The following PCDHGA7 variants were observed in gnomAD, a reference collection of about 807,000 sequenced individuals.
PCDHGA7 encodes the protein protocadherin gamma subfamily A, 7.
PCDHGA7 carries 44 observed loss-of-function variants against 58.3 expected under a neutral mutation model. That is an observed-to-expected ratio of 0.75 (90% CI 0.59 to 0.97). The LOEUF is 0.97. Among genes scored for constraint, PCDHGA7 ranks in the 50% least tolerant of loss-of-function variants. The pLI is 0.00. For synonymous variants in PCDHGA7, 516 were observed against 504.2 expected, an observed-to-expected ratio of 1.02 and a Z score of -0.31; for missense variants, 1,266 against 1,188.7, an observed-to-expected ratio of 1.06 and a Z score of -0.96.
chr5:141,418,041 T>C lies in PCDHGA7; in HGVS notation c.2424+32718T>C, dbSNP rs764313049. The C allele has an allele frequency of 1.2e-6, 2 of 1,613,858 alleles. No individual in the cohort carries two copies. Among genetic ancestry groups the C allele is most frequent in the Non-Finnish European group, 1.7e-6 (2 of 1,179,856 alleles). On this transcript the variant is annotated intron_variant, in intron 1 of 3. Transcript: ENST00000518325. ...GATCTAGGGCTTAGTGTCCTGGATG[T>C]GTCGGCTCGCGAGCTGCGAGTGAGC... is the stretch of plus-strand genomic sequence containing the variant.
intron 1 of PCDHGA7, among the ~76,000 whole-genome samples, chr5:141,459,101 C>A (rs1021289352): frequency 6.6e-6 from 1 of 152,192 alleles, no homozygotes; most frequent in Non-Finnish European, 1.5e-5. Context: ...CAGTGCAATG[C>A]ATTTTGACAA....
rs2098995125 is a variant in PCDHGA7 at position 141,460,673 on chromosome 5, A to G, written c.2425-34134A>G. 2.6e-5 allele frequency among the ~76,000 whole-genome samples: 4 copies of G among 152,244 alleles called. No homozygotes were observed. The South Asian group carries it at 8.3e-4, about 32-fold the overall frequency. On this transcript the variant is annotated intron_variant, in intron 1 of 3. Coordinates refer to ENST00000518325, the MANE Select transcript of PCDHGA7 (RefSeq NM_018920.4). ...CATATGTAACTGTAAACACAGTTAT[A>G]TATCTATATATCCACCAACAGTTGA... is the stretch of plus-strand genomic sequence containing the variant.
intron 1 of PCDHGA7, chr5:141,427,514 G>A (rs1193674497): frequency 1.7e-6 from 1 of 595,712 alleles, no homozygotes; most frequent in Non-Finnish European, 3.2e-6. Context: ...CCCTGGATTG[G>A]GAGCGGATCC....
In PCDHGA7 at chr5:141,421,081, A is replaced by C. The variant is rs775366249; in HGVS notation, c.2424+35758A>C. 61 of 637,820 alleles carry C rather than the reference A, an allele frequency of 9.6e-5. 1 individual carries two copies. The Middle Eastern group carries it at 2.9e-3, about 31-fold the overall frequency. The allele number at this position is 637,820 out of a possible 1,614,324, so 39.5% of individuals were successfully genotyped here. ...ACAAAGCGGAATGAGATGGATACTCACAGATCCTGACACTGGAGACTTAGA... is the reference window on the plus strand; with the variant it reads ...ACAAAGCGGAATGAGATGGATACTCCCAGATCCTGACACTGGAGACTTAGA... On this transcript the variant is annotated intron_variant, in intron 1 of 3. Coordinates refer to ENST00000518325, the MANE Select transcript of PCDHGA7 (RefSeq NM_018920.4).
chr5:141,393,603 G>C, intron 1 of PCDHGA7: 1 of 1,613,928 alleles, frequency 6.2e-7, no homozygotes, highest in East Asian at 2.2e-5. Flanking sequence ...GCTGCTTACT[G>C]TAACAGCCAG....
chr5:141,405,770 G>A (rs989163026), intron 1 of PCDHGA7, among the ~76,000 whole-genome samples: 9 of 152,030 alleles, frequency 5.9e-5, no homozygotes, highest in South Asian at 4.2e-4. Flanking sequence ...GAGCCACTGC[G>A]CCTGGCCCTT....
intron 1 of PCDHGA7, among the ~76,000 whole-genome samples, chr5:141,450,894 G>A (rs919860611): frequency 2.7e-5 from 4 of 148,956 alleles, no homozygotes; most frequent in Admixed American, 1.3e-4. Context: ...GTGCGATATC[G>A]GCTCACTGCA....
At chr5:141,429,796 A>C (rs2097245618) in intron 1 of PCDHGA7, among the ~76,000 whole-genome samples, 1 of 152,216 alleles carries the variant, frequency 6.6e-6, no homozygotes, top group Non-Finnish European at 1.5e-5. Flanking sequence ...ATTACCAGTA[A>C]TTCTCAGTAA....
rs774649069 is a variant in PCDHGA7 at position 141,477,417 on chromosome 5, C to G, written c.2425-17390C>G. The G allele has an allele frequency of 1.2e-6, 2 of 1,614,172 alleles. No individual in the cohort carries two copies. The highest frequency in any genetic ancestry group is 2.7e-5 in the African/African-American group (2 of 75,032). On this transcript the variant is annotated intron_variant, in intron 1 of 3. Coordinates refer to ENST00000518325, the MANE Select transcript of PCDHGA7 (RefSeq NM_018920.4). The surrounding 1 kb of genome is among the most constrained non-coding windows in gnomAD (Gnocchi z 4.9). Reference sequence around the variant, plus strand: ...AGCATCACCGCCCGAGACGCCGGAACCCCTTCCCTCTCAGCCCTTACAATA... The same window carrying G: ...AGCATCACCGCCCGAGACGCCGGAAGCCCTTCCCTCTCAGCCCTTACAATA...
intron 1 of PCDHGA7, chr5:141,399,007 A>G (rs1403288140): frequency 6.2e-7 from 1 of 1,613,948 alleles, no homozygotes. Flanking sequence ...GAATTCAAAG[A>G]GCGGAGAAAT....
chr5:141,487,750 T>A lies in PCDHGA7; in HGVS notation c.2425-7057T>A, dbSNP rs2099664307. On this transcript the variant is annotated intron_variant, in intron 1 of 3. Coordinates refer to ENST00000518325, the MANE Select transcript of PCDHGA7 (RefSeq NM_018920.4). The surrounding 1 kb of genome is among the most constrained non-coding windows in gnomAD (Gnocchi z 5.0). Reference sequence around the variant, plus strand: ...TCACCATTTTTGTAAGAGGTAACTATGTGGTAGACGCTGTGCTTTGTAACT... The same window carrying A: ...TCACCATTTTTGTAAGAGGTAACTAAGTGGTAGACGCTGTGCTTTGTAACT... 1 of 1,555,392 alleles carries A rather than the reference T, an allele frequency of 6.4e-7. No homozygotes were observed. Among genetic ancestry groups the A allele is most frequent in the African/African-American group, 1.4e-5 (1 of 73,376 alleles).
chr5:141,417,828 A>G (rs1439385565), intron 1 of PCDHGA7: 1 of 1,521,792 alleles, frequency 6.6e-7, no homozygotes, highest in Non-Finnish European at 8.8e-7. Context: ...CCAACTGGAA[A>G]AGCGGGGACC....
chr5:141,423,253 C>G (rs750278899), intron 1 of PCDHGA7: 1 of 1,613,916 alleles, frequency 6.2e-7, no homozygotes, highest in Admixed American at 1.7e-5. Flanking sequence ...CCTGGCGGAC[C>G]TCGGCAGCCT....
At position 141,511,112 on chromosome 5, in the gene PCDHGA7, G is replaced by A. The variant is rs767257788; in HGVS notation, c.2738G>A (p.Gly913Asp). The change falls in exon 4 of 4, where the codon GGC (glycine) becomes GAC (aspartate). Residue 913 changes from glycine (G) to aspartate (D), a missense_variant. Transcript: ENST00000518325. ...ACCAACGCAGCTGGCAAGCGGGATGGCAAGGCCCCAGCAGGTGGCAATGGC... is the reference window on the plus strand; with the variant it reads ...ACCAACGCAGCTGGCAAGCGGGATGACAAGGCCCCAGCAGGTGGCAATGGC... The part of the protein sequence containing the change: ...TLTNAAGKRD[G>D]KAPAGGNGNK... 1 of 1,614,232 alleles carries A rather than the reference G, an allele frequency of 6.2e-7. No individual in the cohort carries two copies.
intron 1 of PCDHGA7, chr5:141,423,454 G>C (rs1323921797): frequency 1.9e-6 from 3 of 1,614,030 alleles, no homozygotes; most frequent in Non-Finnish European, 2.5e-6. Context: ...ACATTTTGTA[G>C]GCGTGGACGG....
At chr5:141,393,115 G>A (rs1342924521) in intron 1 of PCDHGA7, 1 of 1,613,438 alleles carries the variant, frequency 6.2e-7, no homozygotes. Context: ...CAGAGCCCGC[G>A]GTGTCTGATA....
intron 1 of PCDHGA7, chr5:141,397,927 G>C: frequency 1.3e-6 from 1 of 764,054 alleles, no homozygotes. Flanking sequence ...TCCTCGCGCA[G>C]CCGCAGCGCG....
At chr5:141,433,869 T>C (rs1293077938) in intron 1 of PCDHGA7, among the ~76,000 whole-genome samples, 8 of 151,960 alleles carry the variant, frequency 5.3e-5, no homozygotes, top group Non-Finnish European at 7.4e-5. Flanking sequence ...TATCCTCTAG[T>C]TTCATCCATT....
Position 141,432,082 on chromosome 5 carries a change from C to G in PCDHGA7, c.2424+46759C>G. The G allele has an allele frequency of 1.2e-6, 2 of 1,614,184 alleles. No individual in the cohort carries two copies. The highest frequency in any genetic ancestry group is 1.7e-6 in the Non-Finnish European group (2 of 1,180,028). On this transcript the variant is annotated intron_variant, in intron 1 of 3. Coordinates refer to ENST00000518325, the MANE Select transcript of PCDHGA7 (RefSeq NM_018920.4). This position sits in a 1 kb window ranked among gnomAD's most constrained non-coding sequence, Gnocchi z 6.0. Reference sequence around the variant, plus strand: ...CCACGGAAACTCATATCTCGCTGAACGTGGCAGACACCAACGACAACCCGC... The same window carrying G: ...CCACGGAAACTCATATCTCGCTGAAGGTGGCAGACACCAACGACAACCCGC...
Sources: gnomAD v4.1 joint callset for allele counts (sites outside exome capture counted in the v4.1 genomes callset) on GRCh38, gnomAD v4.1.1 for gene constraint, Gnocchi (gnomAD v3.1) non-coding constraint, MANE v1.5 for transcripts, NCBI Gene and HGNC (gene_info 2026-07-23, HGNC 2026-07-21) for gene names.